The following MSN variants were observed in gnomAD, a reference collection of about 807,000 sequenced individuals.
MSN encodes the protein epididymis luminal protein 70.
MSN carries 2 observed loss-of-function variants against 48.0 expected under a neutral mutation model. That is an observed-to-expected ratio of 0.04 (90% CI 0.02 to 0.13). The LOEUF (loss-of-function observed/expected upper bound fraction) is 0.13. MSN is among the 10% of genes least tolerant of loss of function. MSN has a pLI of 1.00. For missense variants in MSN, 267 were observed against 470.1 expected, an observed-to-expected ratio of 0.57 and a Z score of 3.99; for synonymous variants, 146 against 166.9, an observed-to-expected ratio of 0.87 and a Z score of 0.97.
At chrX:65,727,038 T>A (rs2071574563) in intron 2 of MSN, among the ~76,000 whole-genome samples, 1 of 111,452 alleles carries the variant, frequency 9.0e-6, no homozygotes. Context: ...ACTTACCCTA[T>A]TTCTACCCTC....
At chrX:65,671,360 A>G (rs1354569906) in intron 1 of MSN, among the ~76,000 whole-genome samples, 3 of 111,071 alleles carry the variant, frequency 2.7e-5, no homozygotes, top group Non-Finnish European at 5.7e-5. Context: ...TGATGGGACC[A>G]TCAATGTGAG....
intron 1 of MSN, among the ~76,000 whole-genome samples, chrX:65,637,061 G>T (rs1174162465): frequency 9.5e-6 from 1 of 105,254 alleles, no homozygotes; most frequent in Admixed American, 1.0e-4. Context: ...CTGCTCTCCA[G>T]CCTGGACGAC....
intron 1 of MSN, among the ~76,000 whole-genome samples, chrX:65,606,143 T>C (rs1310148922): frequency 3.3e-4 from 35 of 107,516 alleles, no homozygotes; most frequent in African/African-American, 1.1e-3. Flanking sequence ...ATGTTTTTTT[T>C]TTTTTGAGAC....
At chrX:65,727,977 A>G in intron 3 of MSN, 68 bp downstream of exon 3, 1 of 1,013,268 alleles carries the variant, frequency 9.9e-7, no homozygotes, top group Non-Finnish European at 1.4e-6. Flanking sequence ...GGAGGGTACC[A>G]TGTGCTAGTT....
chrX:65,622,911 G>T (rs1315582426), intron 1 of MSN, among the ~76,000 whole-genome samples: 1 of 111,619 alleles, frequency 9.0e-6, no homozygotes, highest in Admixed American at 9.6e-5. Context: ...TCTTTTTCAT[G>T]TTGAGAAAGT....
At chrX:65,620,103 C>G (rs1370108754) in intron 1 of MSN, among the ~76,000 whole-genome samples, 1 of 112,333 alleles carries the variant, frequency 8.9e-6, no homozygotes, top group East Asian at 2.8e-4. Flanking sequence ...AACCACTGCT[C>G]TCTTCAAAGC....
intron 1 of MSN, among the ~76,000 whole-genome samples, chrX:65,616,300 A>G (rs1362998323): frequency 2.0e-5 from 2 of 100,715 alleles, no homozygotes; most frequent in Non-Finnish European, 4.0e-5. Context: ...CTTGGGCAGT[A>G]TGGCCATTTT....
At chrX:65,700,716 T>C (rs1175749937) in intron 1 of MSN, among the ~76,000 whole-genome samples, 1 of 112,320 alleles carries the variant, frequency 8.9e-6, no homozygotes, top group African/African-American at 3.2e-5. Context: ...CTCAGTTTCC[T>C]CATTCATAAA....
intron 1 of MSN, among the ~76,000 whole-genome samples, chrX:65,671,154 C>A (rs1229172266): frequency 9.3e-6 from 1 of 107,463 alleles, no homozygotes; most frequent in Non-Finnish European, 1.9e-5. Context: ...TCCAATTCCT[C>A]TCATTGTATA....
At chrX:65,643,970 T>C (rs1175594709) in intron 1 of MSN, among the ~76,000 whole-genome samples, 3 of 111,977 alleles carry the variant, frequency 2.7e-5, no homozygotes, top group African/African-American at 9.7e-5. Flanking sequence ...TGCAAGTATT[T>C]AGACCTTAAG....
chrX:65,728,752 A>G (rs916085125), intron 3 of MSN, among the ~76,000 whole-genome samples: 4 of 111,856 alleles, frequency 3.6e-5, no homozygotes, highest in Non-Finnish European at 7.5e-5. Context: ...TTGGACCCCA[A>G]ATGGGATGGT....
In MSN at chrX:65,653,890, C is replaced by T. The variant is rs559583203; in HGVS notation, c.-21-62928C>T. Among the ~76,000 whole-genome samples the T allele has an allele frequency of 1.0e-4, 11 of 109,369 alleles. No homozygotes were observed. The South Asian group carries it at 3.5e-3, about 35-fold the overall frequency. 95.0% of individuals were successfully genotyped at this position (109,369 alleles called of 115,157 possible). ...CCGGGTTCAAGTGATTCTTTTGCCTCAGCCTCCCGAGTAGCTGGGATTACA... is the reference window on the plus strand; with the variant it reads ...CCGGGTTCAAGTGATTCTTTTGCCTTAGCCTCCCGAGTAGCTGGGATTACA... On this transcript the variant is annotated intron_variant, in intron 1 of 3. Coordinates refer to the MSN transcript ENST00000609672.
At chrX:65,623,368 C>CTTTTTTTTTTTTTTTTTCTTTTT (rs773663630) in intron 1 of MSN, among the ~76,000 whole-genome samples, 3 of 74,161 alleles carry the variant, frequency 4.0e-5, no homozygotes, top group African/African-American at 9.5e-5. Context: ...TCTTTCTTTT[C>CTTTTTTTTTTTTTTTTTCTTTTT]TTTTTTTTTT....
chrX:65,612,868 G>A (rs1262187757), intron 1 of MSN, among the ~76,000 whole-genome samples: 1 of 97,274 alleles, frequency 1.0e-5, no homozygotes, highest in African/African-American at 5.2e-5. Context: ...TTTTTTTTGG[G>A]GGGGGGTACG....
chrX:65,622,510 G>GTCTTTTT (rs2070458235), intron 1 of MSN, among the ~76,000 whole-genome samples: 1 of 66,476 alleles, frequency 1.5e-5, no homozygotes, highest in African/African-American at 4.7e-5. Context: ...AGGCATCTTT[G>GTCTTTTT]TTTTTTTTTT....
In MSN at chrX:65,640,394, A is replaced by G. The variant is rs774097714; in HGVS notation, c.-22+51782A>G. The stretch of plus-strand genomic sequence containing the variant: ...TCTCTACTAAAAATAAATAAAAAAA[A>G]ATTAGCTGGGCATGGTGGCAGGCAC... On this transcript the variant is annotated intron_variant, in intron 1 of 3. Coordinates refer to the MSN transcript ENST00000609672. Among the ~76,000 whole-genome samples, 101 of 111,496 alleles carry G rather than the reference A, an allele frequency of 9.1e-4. 1 individual carries two copies. Among genetic ancestry groups the G allele is most frequent in the African/African-American group, 3.2e-3 (97 of 30,713 alleles).
intron 1 of MSN, among the ~76,000 whole-genome samples, chrX:65,589,935 G>T (rs756866434): frequency 9.4e-6 from 1 of 106,623 alleles, no homozygotes; most frequent in Non-Finnish European, 1.9e-5. Context: ...GCACAATCTC[G>T]ACTCAATGCA....
chrX:65,713,887 C>T lies in MSN; in HGVS notation c.13-2931C>T, dbSNP rs1180809860. Reference sequence around the variant, plus strand: ...CTCTGCCTCCCGGGTTAAAGCGATTCTCGTGCCTCAGCCACCAAAGTAGCT... The same window carrying T: ...CTCTGCCTCCCGGGTTAAAGCGATTTTCGTGCCTCAGCCACCAAAGTAGCT... On this transcript the variant is annotated intron_variant, in intron 1 of 12. Transcript: ENST00000360270. 3.6e-5 allele frequency among the ~76,000 whole-genome samples: 4 copies of T among 111,890 alleles called. No individual in the cohort carries two copies. The South Asian group carries it at 1.5e-3, about 42-fold the overall frequency.
chrX:65,651,962 C>T (rs1238334824), intron 1 of MSN, among the ~76,000 whole-genome samples: 1 of 107,339 alleles, frequency 9.3e-6, no homozygotes, highest in Non-Finnish European at 1.9e-5. Flanking sequence ...ATATTAACAC[C>T]ATCCCAGGCC....
Sources: allele counts gnomAD v4.1 joint callset (sites outside exome capture counted in the v4.1 genomes callset), GRCh38; gene constraint gnomAD v4.1.1; transcripts MANE v1.5; gene names NCBI Gene and HGNC (gene_info 2026-07-23, HGNC 2026-07-21).